MTCL3: variants seen among roughly 807,000 people sequenced by gnomAD.
MTCL3 encodes MTCL family member 3, also known as microtubule cross-linking factor 3.
At chr6:127,481,714 G>A in the MTCL3 span, among the ~76,000 whole-genome samples, 2 of 152,086 alleles carry the variant, frequency 1.3e-5, no homozygotes, top group African/African-American at 2.4e-5. Context: ...CTAGCCAAGT[G>A]CTTTTGGAGA....
At chr6:127,511,210 C>T in the MTCL3 span, among the ~76,000 whole-genome samples, 1 of 152,320 alleles carries the variant, frequency 6.6e-6, no homozygotes, top group Non-Finnish European at 1.5e-5. Flanking sequence ...CCTACTAACA[C>T]CTTGATTCCA....
the MTCL3 span, among the ~76,000 whole-genome samples, chr6:127,489,061 G>A: frequency 1.3e-5 from 2 of 152,082 alleles, no homozygotes; most frequent in Non-Finnish European, 2.9e-5. Flanking sequence ...AGGTCTATTC[G>A]TGCAATTTTT....
At chr6:127,489,784 ATGAGGTT>A in the MTCL3 span, among the ~76,000 whole-genome samples, 2 of 152,246 alleles carry the variant, frequency 1.3e-5, no homozygotes, top group Non-Finnish European at 2.9e-5. Flanking sequence ...GCATTGGTAC[ATGAGGTT>A]TAAGGAAAGA....
the MTCL3 span, among the ~76,000 whole-genome samples, chr6:127,518,214 T>TGGCAATAACATGGGC: frequency 6.6e-6 from 1 of 152,240 alleles, no homozygotes; most frequent in African/African-American, 2.4e-5. Flanking sequence ...TCATCATGGG[T>TGGCAATAACATGGGC]GGCACTAACA....
the MTCL3 span, among the ~76,000 whole-genome samples, chr6:127,491,658 G>C: frequency 6.6e-6 from 1 of 152,064 alleles, no homozygotes; most frequent in East Asian, 1.9e-4. Context: ...CTATAAATGG[G>C]AATATGTGAG....
At chr6:127,516,104 C>G in the MTCL3 span, 2 of 1,485,746 alleles carry the variant, frequency 1.3e-6, no homozygotes, top group East Asian at 5.0e-5. Flanking sequence ...CCTCCTTCCC[C>G]GCCCCCTCCT....
the MTCL3 span, chr6:127,515,569 T>G: frequency 6.8e-7 from 1 of 1,460,752 alleles, no homozygotes; most frequent in Non-Finnish European, 9.0e-7. The surrounding 1 kb of genome is among the most constrained non-coding windows in gnomAD (Gnocchi z 4.3). Flanking sequence ...CATTTCTTCC[T>G]GCTCTTGGAG....
At chr6:127,507,223 A>G in the MTCL3 span, among the ~76,000 whole-genome samples, 3 of 152,214 alleles carry the variant, frequency 2.0e-5, no homozygotes, top group African/African-American at 7.2e-5. Flanking sequence ...TCAACAGGAG[A>G]TGCTTAATCA....
At chr6:127,518,000 A>G in the MTCL3 span, among the ~76,000 whole-genome samples, 1 of 152,222 alleles carries the variant, frequency 6.6e-6, no homozygotes, top group East Asian at 1.9e-4. Flanking sequence ...ATCACAACTT[A>G]GCATGCAGTA....
the MTCL3 span, among the ~76,000 whole-genome samples, chr6:127,482,602 C>A: frequency 1.3e-5 from 2 of 152,120 alleles, no homozygotes; most frequent in Non-Finnish European, 2.9e-5. This position sits in a 1 kb window ranked among gnomAD's most constrained non-coding sequence, Gnocchi z 4.1. Context: ...TTTCTATTGA[C>A]CTTATTAATT....
At chr6:127,485,996 C>G in the MTCL3 span, among the ~76,000 whole-genome samples, 8 of 152,122 alleles carry the variant, frequency 5.3e-5, no homozygotes, top group Non-Finnish European at 1.5e-5. Context: ...GATGCACTAA[C>G]TCCTGAAAAG....
chr6:127,486,704 G>GT, the MTCL3 span, among the ~76,000 whole-genome samples: 13 of 151,876 alleles, frequency 8.6e-5, no homozygotes, highest in African/African-American at 1.5e-4. Context: ...AGAGGCTGCT[G>GT]TTTTTTTTGA....
At chr6:127,482,613 A>G in the MTCL3 span, among the ~76,000 whole-genome samples, 1 of 152,150 alleles carries the variant, frequency 6.6e-6, no homozygotes, top group Non-Finnish European at 1.5e-5. The surrounding 1 kb of genome is among the most constrained non-coding windows in gnomAD (Gnocchi z 4.1). Flanking sequence ...CTTATTAATT[A>G]TAAAAGGACA....
At chr6:127,503,176 TGAG>T in the MTCL3 span, among the ~76,000 whole-genome samples, 3 of 152,286 alleles carry the variant, frequency 2.0e-5, no homozygotes, top group South Asian at 6.2e-4. Context: ...GTCCTTGCAG[TGAG>T]GCCACGCAGC....
the MTCL3 span, chr6:127,516,635 C>A: frequency 1.3e-6 from 2 of 1,590,040 alleles, no homozygotes; most frequent in Admixed American, 3.4e-5. Flanking sequence ...CTACCAGATG[C>A]GATTTGGAAG....
At chr6:127,476,258 G>T in the MTCL3 span, 9 of 1,614,118 alleles carry the variant, frequency 5.6e-6, no homozygotes, top group Non-Finnish European at 6.8e-6. This position sits in a 1 kb window ranked among gnomAD's most constrained non-coding sequence, Gnocchi z 4.4. Context: ...AGCCTTAGCC[G>T]TAGCTTGAGC....
chr6:127,476,009 T>C, the MTCL3 span: 1 of 1,611,046 alleles, frequency 6.2e-7, no homozygotes, highest in East Asian at 2.2e-5. This position sits in a 1 kb window ranked among gnomAD's most constrained non-coding sequence, Gnocchi z 4.4. Flanking sequence ...TCCGCCGTGA[T>C]GCGCTTGTTC....
chr6:127,490,710 G>A, the MTCL3 span, among the ~76,000 whole-genome samples: 56 of 152,030 alleles, frequency 3.7e-4, no homozygotes, highest in African/African-American at 8.0e-4. Context: ...CCAGCTACTC[G>A]GGAGGCTAAG....
chr6:127,484,843 G>A, the MTCL3 span, among the ~76,000 whole-genome samples: 9 of 152,234 alleles, frequency 5.9e-5, no homozygotes, highest in East Asian at 1.5e-3. Context: ...ACTCCTTTTA[G>A]CCTCACTTTG....
Sources: allele counts gnomAD v4.1 joint callset (sites outside exome capture counted in the v4.1 genomes callset), GRCh38; gene constraint gnomAD v4.1.1; non-coding constraint Gnocchi (gnomAD v3.1); transcripts MANE v1.5; gene names NCBI Gene and HGNC (gene_info 2026-07-23, HGNC 2026-07-21).